Variants in DNM2 observed in about 807,000 individuals in gnomAD.
DNM2 encodes the protein dynamin-2.
In DNM2, 15 loss-of-function variants were observed where a neutral mutation model predicts 99.0. That is an observed-to-expected ratio of 0.15 (90% CI 0.10 to 0.23). The LOEUF (loss-of-function observed/expected upper bound fraction) is 0.23, where lower values mean the gene tolerates loss of function less well. Among genes scored for constraint, DNM2 ranks in the 10% least tolerant of loss-of-function variants. The probability of loss-of-function intolerance (pLI) is 1.00; values close to 1 mark genes in which losing one functional copy is unlikely to be tolerated. For synonymous variants in DNM2, 525 were observed against 481.2 expected (o/e 1.09, Z -1.19); for missense variants, 742 against 1,189.4 (o/e 0.62, Z 5.53).
chr19:10,729,284 C>T (rs920413653), intron 1 of DNM2, among the ~76,000 whole-genome samples: 7 of 151,328 alleles, frequency 4.6e-5, no homozygotes, highest in Admixed American at 3.3e-4. Context: ...TGCAGTGATC[C>T]GAGGTGGAGG....
chr19:10,825,086 C>T lies in DNM2; in HGVS notation c.1923C>T (p.Asn641=), dbSNP rs753267618. 3 of 1,614,244 alleles carry T rather than the reference C, an allele frequency of 1.9e-6. No homozygotes were observed. The East Asian group carries it at 6.7e-5, about 36-fold the overall frequency. ...AAAACGAGGATGGGGCCCAGGAGAA[C>T]ACCTTCTCCATGGACCCCCAACTGG... is the stretch of plus-strand genomic sequence containing the variant. ...QAENEDGAQE[N]TFSMDPQLER... is the part of the protein sequence containing the mutation. The change falls in exon 18 of 21, where the codon AAC becomes AAT. Residue 641 remains asparagine (N), a synonymous_variant. Transcript: ENST00000389253.
intron 1 of DNM2, among the ~76,000 whole-genome samples, chr19:10,727,795 C>T (rs905812780): frequency 6.6e-6 from 1 of 152,048 alleles, no homozygotes; most frequent in African/African-American, 2.4e-5. Flanking sequence ...AAACTTCTGC[C>T]CGATTTGAAT....
intron 19 of DNM2, 103 bp downstream of exon 19, chr19:10,829,371 G>C (rs562856305): frequency 5.5e-5 from 78 of 1,429,444 alleles, no homozygotes; most frequent in Non-Finnish European, 7.5e-5. Flanking sequence ...CACAGCCCAA[G>C]GGTGGCACCC....
At chr19:10,755,135 C>T (rs1217082193) in intron 1 of DNM2, 1 of 152,196 alleles carries the variant, frequency 6.6e-6, no homozygotes, top group Non-Finnish European at 1.5e-5. Flanking sequence ...TTCAGAACAG[C>T]TTTATTTGTA....
intron 1 of DNM2, among the ~76,000 whole-genome samples, chr19:10,720,510 G>A (rs893639135): frequency 2.0e-5 from 3 of 151,952 alleles, no homozygotes; most frequent in Non-Finnish European, 2.9e-5. Flanking sequence ...ACCAAGCCTC[G>A]CCCCAGGAGT....
chr19:10,748,674 G>A lies in DNM2; in HGVS notation c.162-11064G>A, dbSNP rs1454641114. Among the ~76,000 whole-genome samples the A allele has an allele frequency of 2.0e-5, 3 of 152,196 alleles. No individual in the cohort carries two copies. In the South Asian group the frequency reaches 6.2e-4, roughly 31 times the overall value. On this transcript the variant is annotated intron_variant, in intron 1 of 20. Transcript: ENST00000389253. ...CCTCATTGGTGTCCCACCCACATTC[G>A]TGTCCTGGCTCTGCTCCTCCCTCGC... is the stretch of plus-strand genomic sequence containing the variant.
In DNM2 at chr19:10,830,395, G is replaced by A; in HGVS notation, c.2543+17G>A. 6.2e-7 allele frequency: 1 copy of A among 1,604,214 alleles called. No individual in the cohort carries two copies. Among genetic ancestry groups the A allele is most frequent in the Non-Finnish European group, 8.5e-7 (1 of 1,177,918 alleles). On this transcript the variant is annotated intron_variant, in intron 20 of 20. Transcript: ENST00000389253. The surrounding 1 kb of genome is among the most constrained non-coding windows in gnomAD (Gnocchi z 4.8). ...AGTGCCCAGGTAAGGCCAACCCCCT[G>A]CCCTCCACCCCAACTGCCTGCACCC...
intron 9 of DNM2, 141 bp from the exon 10 acceptor site, chr19:10,797,239 A>G: frequency 1.6e-6 from 2 of 1,281,178 alleles, no homozygotes; most frequent in Non-Finnish European, 2.2e-6. Context: ...TTCCGGGGCA[A>G]ATGCGGGCGC....
intron 1 of DNM2, among the ~76,000 whole-genome samples, chr19:10,739,902 A>G (rs557072803): frequency 6.6e-6 from 1 of 151,202 alleles, no homozygotes; most frequent in Admixed American, 6.6e-5. Context: ...TCACCAATGA[A>G]GCCACCTGGG....
At chr19:10,759,874 G>A in intron 2 of DNM2, 63 bp downstream of exon 2, 1 of 1,605,120 alleles carries the variant, frequency 6.2e-7, no homozygotes. Flanking sequence ...GCCAGGAGTT[G>A]CTGGGGGCGG....
chr19:10,754,749 G>A (rs557476112), intron 1 of DNM2, among the ~76,000 whole-genome samples: 4 of 151,626 alleles, frequency 2.6e-5, no homozygotes, highest in South Asian at 2.1e-4. Context: ...GCCACCATCC[G>A]CAGTGAATTA....
At chr19:10,776,957 G>A (rs1399072724) in intron 4 of DNM2, among the ~76,000 whole-genome samples, 161 bp from the exon 5 acceptor site, 2 of 152,132 alleles carry the variant, frequency 1.3e-5, no homozygotes, top group African/African-American at 4.8e-5. Flanking sequence ...ATCTTCATTC[G>A]ACATGTCGGA....
In DNM2 at chr19:10,765,208, T is replaced by C. The variant is rs1239405842; in HGVS notation, c.235+5397T>C. Among the ~76,000 whole-genome samples the C allele has an allele frequency of 3.3e-5, 5 of 152,192 alleles. No individual in the cohort carries two copies. The highest frequency in any genetic ancestry group is 1.2e-4 in the African/African-American group (5 of 41,456). On this transcript the variant is annotated intron_variant, in intron 2 of 20. Coordinates refer to ENST00000389253, the MANE Select transcript of DNM2 (RefSeq NM_001005361.3). The surrounding 1 kb of genome is among the most constrained non-coding windows in gnomAD (Gnocchi z 4.4). ...CTCCTGACCTCGTGATCCGCCCACC[T>C]CGGCCTCCCAAAGTGCTGGGATTAC...
At chr19:10,791,722 T>C (rs894516621) in intron 7 of DNM2, among the ~76,000 whole-genome samples, 1 of 150,686 alleles carries the variant, frequency 6.6e-6, no homozygotes, top group African/African-American at 2.4e-5. Flanking sequence ...CGTCGCCCAG[T>C]CTGTTGTCTG....
chr19:10,738,998 C>A (rs549667360), intron 1 of DNM2, among the ~76,000 whole-genome samples: 2 of 152,140 alleles, frequency 1.3e-5, no homozygotes, highest in South Asian at 4.2e-4. Flanking sequence ...GAAACCCCGT[C>A]TCTACTAAAA....
chr19:10,792,276 T>G (rs1350893706), intron 7 of DNM2, among the ~76,000 whole-genome samples: 1 of 152,164 alleles, frequency 6.6e-6, no homozygotes, highest in Non-Finnish European at 1.5e-5. Context: ...CCCCTTTCTT[T>G]GGCAGCCCAG....
At chr19:10,738,065 G>A (rs371195887) in intron 1 of DNM2, among the ~76,000 whole-genome samples, 4 of 152,238 alleles carry the variant, frequency 2.6e-5, no homozygotes, top group South Asian at 4.2e-4. Context: ...AGAGGAGTTA[G>A]GCCTGGCAGA....
At chr19:10,807,597 G>A (rs2072391805) in intron 13 of DNM2, among the ~76,000 whole-genome samples, 2 of 136,002 alleles carry the variant, frequency 1.5e-5, no homozygotes, top group African/African-American at 5.6e-5. Context: ...CACCAAGGCT[G>A]GAGTGCAGTG....
In DNM2 at chr19:10,796,837, C is replaced by A. The variant is rs568548042; in HGVS notation, c.1197-543C>A. ...CAGGACGCGCCGGGCTCCCCCAACC[C>A]GCGCCAACGCCGCGGGCCTGGTTCC... On this transcript the variant is annotated intron_variant, in intron 9 of 20. Coordinates refer to ENST00000389253, the MANE Select transcript of DNM2 (RefSeq NM_001005361.3). This position sits in a 1 kb window ranked among gnomAD's most constrained non-coding sequence, Gnocchi z 5.6. 6.6e-6 allele frequency among the ~76,000 whole-genome samples: 1 copy of A among 152,042 alleles called. No homozygotes were observed. The highest frequency in any genetic ancestry group is 2.4e-5 in the African/African-American group (1 of 41,394).
Sources: gnomAD v4.1 joint callset for allele counts (sites outside exome capture counted in the v4.1 genomes callset) on GRCh38, gnomAD v4.1.1 for gene constraint, Gnocchi (gnomAD v3.1) non-coding constraint, MANE v1.5 for transcripts, NCBI Gene and HGNC (gene_info 2026-07-23, HGNC 2026-07-21) for gene names.